PPFIA2: variants seen among roughly 807,000 people sequenced by gnomAD.
The protein encoded by PPFIA2 is liprin-alpha-2.
Under a neutral mutation model 175.5 loss-of-function variants are expected in PPFIA2, and 46 were observed. The observed-to-expected ratio is 0.26, with a 90% CI of 0.21 to 0.34. The LOEUF (loss-of-function observed/expected upper bound fraction) is 0.34. Ranked by LOEUF, PPFIA2 falls within the 10% of genes least tolerant of loss-of-function variation. The pLI is 1.00. For synonymous variants in PPFIA2, 568 were observed against 511.4 expected (o/e 1.11, Z -1.49); for missense variants, 1,179 against 1,506.1 (o/e 0.78, Z 3.60).
Position 81,347,710 on chromosome 12 carries a change from C to A in PPFIA2, c.2055G>T (p.Val685=). The change falls in exon 18 of 33, where the codon GTG becomes GTT. Residue 685 remains valine (V), a synonymous_variant. Transcript: ENST00000549396. ...TCAGGCCTTCGAGGCTCACACTAGC[C>A]ACTCTATTTTCAATTTCTTCAGCAC... ...ELRAEEIENR[V]ASVSLEGLNL... 2 of 1,613,864 alleles carry A rather than the reference C, an allele frequency of 1.2e-6. No individual in the cohort carries two copies. The highest frequency in any genetic ancestry group is 2.2e-5 in the South Asian group (2 of 91,080).
intron 17 of PPFIA2, among the ~76,000 whole-genome samples, chr12:81,348,606 CAT>C (rs2140688595): frequency 6.6e-6 from 1 of 152,096 alleles, no homozygotes; most frequent in African/African-American, 2.4e-5. Flanking sequence ...CATGGTGGTG[CAT>C]GCCTGTAATC....
intron 24 of PPFIA2, among the ~76,000 whole-genome samples, chr12:81,284,778 G>T (rs1262441729): frequency 6.6e-6 from 1 of 152,072 alleles, no homozygotes; most frequent in Non-Finnish European, 1.5e-5. Flanking sequence ...AAAAAAAATG[G>T]TTGTCAATAT....
intron 3 of PPFIA2, among the ~76,000 whole-genome samples, chr12:81,744,521 C>T (rs1471695665): frequency 6.6e-6 from 1 of 150,410 alleles, no homozygotes; most frequent in African/African-American, 2.4e-5. Context: ...CTCCCGGGTT[C>T]AAGCGATTCT....
chr12:81,557,152 C>T (rs992698047), intron 4 of PPFIA2, among the ~76,000 whole-genome samples: 1 of 150,672 alleles, frequency 6.6e-6, no homozygotes, highest in Non-Finnish European at 1.5e-5. Flanking sequence ...TCTCCCTGAT[C>T]AATAGCTATG....
At position 81,432,604 on chromosome 12, in the gene PPFIA2, T is replaced by C. The variant is rs187643713; in HGVS notation, c.645+7368A>G. On this transcript the variant is annotated intron_variant, in intron 7 of 32. Coordinates refer to ENST00000549396, the MANE Select transcript of PPFIA2 (RefSeq NM_003625.5). ...CCTCAGCCTCCTGAGTAGCTGGGATTACAGGCACGCACCACCATGCCCAGA... is the reference window on the plus strand; with the variant it reads ...CCTCAGCCTCCTGAGTAGCTGGGATCACAGGCACGCACCACCATGCCCAGA... 5.4e-4 allele frequency among the ~76,000 whole-genome samples: 82 copies of C among 152,038 alleles called. 1 individual carries two copies. Among genetic ancestry groups the C allele is most frequent in the African/African-American group, 2.0e-3 (81 of 41,454 alleles).
In PPFIA2 at chr12:81,711,936, GA is replaced by G. The variant is rs762148195; in HGVS notation, c.250-35093del. Among the ~76,000 whole-genome samples the G allele has an allele frequency of 5.2e-4, 76 of 145,430 alleles. 2 individuals carry two copies. The highest frequency in any genetic ancestry group is 1.3e-3 in the African/African-American group (51 of 39,988). Reference sequence around the variant, plus strand: ...CCATTTCTTATACTTCTGATACAATGAAAAAAAAAATTTCTTCAAAATTTTT... The same window carrying G: ...CCATTTCTTATACTTCTGATACAATGAAAAAAAAATTTCTTCAAAATTTTT... On this transcript the variant is annotated intron_variant, in intron 3 of 32. Coordinates refer to ENST00000549396, the MANE Select transcript of PPFIA2 (RefSeq NM_003625.5).
chr12:81,283,032 G>A lies in PPFIA2; in HGVS notation c.2996C>T (p.Ser999Phe). The A allele has an allele frequency of 1.2e-6, 2 of 1,611,842 alleles. No homozygotes were observed. Among genetic ancestry groups the A allele is most frequent in the Non-Finnish European group, 1.7e-6 (2 of 1,178,546 alleles). The stretch of plus-strand genomic sequence containing the variant: ...TACCTGGGCCCAGCTTCCTTCCTCA[G>A]ATTCTTTCTGTGTTAGCAGCAGGAA... ...NLAAPAKTKE[S>F]EEGSWAQCPV... Residue 999 changes from serine to phenylalanine, a missense_variant, in exon 26 of 33, where the codon TCT becomes TTT. Ser to Phe is a radical substitution (Grantham distance 155). Transcript: ENST00000549396.
chr12:81,615,145 A>G (rs562959029), intron 4 of PPFIA2, among the ~76,000 whole-genome samples: 143 of 152,324 alleles, frequency 9.4e-4, no homozygotes, highest in East Asian at 7.7e-4. Flanking sequence ...GAGCAAATGG[A>G]TTGGGAAAGA....
intron 4 of PPFIA2, among the ~76,000 whole-genome samples, chr12:81,636,129 C>A (rs1013195127): frequency 1.3e-5 from 2 of 152,080 alleles, no homozygotes; most frequent in African/African-American, 4.8e-5. Context: ...ACAAAATAAT[C>A]TTTTTCTCAG....
intron 4 of PPFIA2, among the ~76,000 whole-genome samples, chr12:81,625,504 G>A (rs1044911281): frequency 6.6e-6 from 1 of 151,558 alleles, no homozygotes; most frequent in East Asian, 1.9e-4. Flanking sequence ...TTGAATCCTG[G>A]CTCTGATACA....
At chr12:81,626,692 A>T (rs1053668074) in intron 4 of PPFIA2, among the ~76,000 whole-genome samples, 5 of 152,094 alleles carry the variant, frequency 3.3e-5, no homozygotes, top group African/African-American at 1.2e-4. Context: ...AAATTCAATT[A>T]GAGGACTCTA....
chr12:81,322,664 G>A (rs569791499), intron 22 of PPFIA2, among the ~76,000 whole-genome samples: 113 of 152,236 alleles, frequency 7.4e-4, no homozygotes, highest in African/African-American at 2.6e-3. Context: ...GAAAAGTACA[G>A]CAAAGATGAG....
chr12:81,299,479 A>T, intron 22 of PPFIA2, 97 bp from the exon 23 acceptor site: 1 of 1,441,292 alleles, frequency 6.9e-7, no homozygotes, highest in South Asian at 1.4e-5. Context: ...ATCATCCTTT[A>T]CAAGATTTTT....
At chr12:81,449,441 C>T (rs1248345056) in intron 5 of PPFIA2, among the ~76,000 whole-genome samples, 1 of 149,726 alleles carries the variant, frequency 6.7e-6, no homozygotes, top group Non-Finnish European at 1.5e-5. Context: ...ACCATCTTAC[C>T]GAGTTTTTGC....
chr12:81,743,434 A>AAC (rs2082597849), intron 3 of PPFIA2, among the ~76,000 whole-genome samples: 1 of 149,394 alleles, frequency 6.7e-6, no homozygotes, highest in Non-Finnish European at 1.5e-5. Flanking sequence ...AAAAAAAAAA[A>AAC]AAAAAAAAAA....
At chr12:81,340,633 T>C (rs937235142) in intron 20 of PPFIA2, among the ~76,000 whole-genome samples, 3 of 152,118 alleles carry the variant, frequency 2.0e-5, no homozygotes, top group African/African-American at 4.8e-5. Context: ...TTATTACTGC[T>C]GGCAGCAGCA....
intron 4 of PPFIA2, among the ~76,000 whole-genome samples, chr12:81,524,333 A>G (rs2063500348): frequency 6.6e-6 from 1 of 152,190 alleles, no homozygotes; most frequent in Non-Finnish European, 1.5e-5. Context: ...TTTGCCCAGT[A>G]AAGCTGAGAA....
At chr12:81,541,780 T>C (rs1488109961) in intron 4 of PPFIA2, among the ~76,000 whole-genome samples, 1 of 152,114 alleles carries the variant, frequency 6.6e-6, no homozygotes, top group East Asian at 1.9e-4. Context: ...AGTTGACTTG[T>C]TCCAGGCTAC....
At position 81,569,977 on chromosome 12, in the gene PPFIA2, T is replaced by C. The variant is rs557589191; in HGVS notation, c.303+106814A>G. On this transcript the variant is annotated intron_variant, in intron 4 of 32. Transcript: ENST00000549396. ...GTTTGATAACTGAGAGAATGAGCCA[T>C]ACCTATAAGCTCTTTCTCCCTGTTT... 3.2e-4 allele frequency among the ~76,000 whole-genome samples: 49 copies of C among 152,254 alleles called. No homozygotes were observed. The South Asian group carries it at 9.7e-3, about 30-fold the overall frequency.
Sources: gnomAD v4.1 joint callset for allele counts (sites outside exome capture counted in the v4.1 genomes callset) on GRCh38, gnomAD v4.1.1 for gene constraint, MANE v1.5 for transcripts, NCBI Gene and HGNC (gene_info 2026-07-23, HGNC 2026-07-21) for gene names.